The following LRP1B variants were observed in gnomAD, a reference collection of about 807,000 sequenced individuals.
The protein encoded by LRP1B is low-density lipoprotein receptor-related protein 1B.
Under a neutral mutation model 556.6 loss-of-function variants are expected in LRP1B, and 217 were observed. That is an observed-to-expected ratio of 0.39 (90% confidence interval 0.35 to 0.44). LRP1B has a LOEUF of 0.44. Among genes scored for constraint, LRP1B ranks in the 20% least tolerant of loss-of-function variants. The pLI is 1.00. For missense variants in LRP1B, 5,053 were observed against 5,620.8 expected (o/e 0.90, Z 3.23); for synonymous variants, 2,047 against 1,865.8 (o/e 1.10, Z -2.50).
intron 4 of LRP1B, among the ~76,000 whole-genome samples, chr2:141,247,881 G>A (rs1339026282): frequency 5.3e-5 from 8 of 152,094 alleles, no homozygotes; most frequent in Non-Finnish European, 1.0e-4. Flanking sequence ...GTCCTCTACA[G>A]ATATTAAATT....
intron 86 of LRP1B, among the ~76,000 whole-genome samples, chr2:140,249,144 T>C (rs1048718866): frequency 6.6e-6 from 1 of 151,654 alleles, no homozygotes; most frequent in Non-Finnish European, 1.5e-5. Context: ...TATTACACTT[T>C]CGGAAAAGAT....
intron 7 of LRP1B, among the ~76,000 whole-genome samples, chr2:141,115,458 G>GTTTTTTTTTTT (rs70991138): frequency 1.2e-4 from 14 of 120,392 alleles, no homozygotes; most frequent in South Asian, 2.7e-4. Flanking sequence ...TTTTGTTTTT[G>GTTTTTTTTTTT]TTTTTTTTTT....
At chr2:140,468,997 A>G (rs1687660496) in intron 60 of LRP1B, among the ~76,000 whole-genome samples, 1 of 152,228 alleles carries the variant, frequency 6.6e-6, no homozygotes, top group African/African-American at 2.4e-5. Flanking sequence ...TGATTTAGAT[A>G]AGATATAGAG....
chr2:141,954,748 T>C (rs1291186143), intron 1 of LRP1B, among the ~76,000 whole-genome samples: 1 of 152,128 alleles, frequency 6.6e-6, no homozygotes, highest in Non-Finnish European at 1.5e-5. Context: ...AATATACTGA[T>C]ATTCTTTAGC....
At chr2:141,182,984 GA>G (rs1681071195) in intron 7 of LRP1B, among the ~76,000 whole-genome samples, 1 of 151,788 alleles carries the variant, frequency 6.6e-6, no homozygotes, top group South Asian at 2.1e-4. Flanking sequence ...TTTATGGGGA[GA>G]AAAAAGTACA....
Position 141,923,436 on chromosome 2 carries a change from TTA to T in LRP1B, c.83-113037_83-113036del, listed in dbSNP as rs758700606. ...ATATATATATATAGTGACAAAGAGA[TTA>T]TATATATATGTGTGTGTGTGTGTGT... On this transcript the variant is annotated intron_variant, in intron 1 of 90. Transcript: ENST00000389484. Among the ~76,000 whole-genome samples, 20 of 75,432 alleles carry T rather than the reference TTA, an allele frequency of 2.7e-4. 1 individual carries two copies. Among genetic ancestry groups the T allele is most frequent in the South Asian group, 1.2e-3 (2 of 1,648 alleles). 49.5% of individuals were successfully genotyped at this position (75,432 alleles called of 152,430 possible).
chr2:140,579,206 T>C (rs1277193361), intron 43 of LRP1B, among the ~76,000 whole-genome samples: 1 of 152,182 alleles, frequency 6.6e-6, no homozygotes, highest in African/African-American at 2.4e-5. Flanking sequence ...CCTAGCCTCA[T>C]GAGACACAGG....
rs760368418 is a variant in LRP1B, at chr2:141,005,451, T to C, written c.2387A>G (p.Asn796Ser). 3 of 1,609,874 alleles carry C rather than the reference T, an allele frequency of 1.9e-6. No individual in the cohort carries two copies. Among genetic ancestry groups the C allele is most frequent in the South Asian group, 1.1e-5 (1 of 90,726 alleles). The change falls in exon 15 of 91, where the codon AAT becomes AGT. Residue 796 changes from asparagine to serine, a missense_variant. By Grantham distance (46) the Asn-to-Ser change is conservative. Around this residue, in one of 5 missense-constraint regions of LRP1B, gnomAD observed 3,619 missense variants for 3,931.9 expected, o/e 0.92. Coordinates refer to ENST00000389484, the MANE Select transcript of LRP1B (RefSeq NM_018557.3). The part of the protein sequence containing the change: ...IYDPRKQQGD[N>S]MCRVNNGGCS... ...GCCCCCATTATTTACTCGGCACATA[T>C]TGTCACCTGCAAGAGGAAGAAAGCA... is the stretch of plus-strand genomic sequence containing the variant.
intron 2 of LRP1B, among the ~76,000 whole-genome samples, chr2:141,642,920 G>A (rs1276451810): frequency 2.0e-5 from 3 of 152,082 alleles, no homozygotes; most frequent in Non-Finnish European, 4.4e-5. Context: ...AAATCATGCA[G>A]TGAAAGCACT....
At chr2:141,223,695 G>C (rs1474976367) in intron 6 of LRP1B, among the ~76,000 whole-genome samples, 20 of 152,058 alleles carry the variant, frequency 1.3e-4, no homozygotes, top group Non-Finnish European at 8.8e-5. Flanking sequence ...ACACAGACCA[G>C]TGGAACAGAA....
chr2:141,561,544 C>T (rs1686152914), intron 2 of LRP1B, among the ~76,000 whole-genome samples: 1 of 151,854 alleles, frequency 6.6e-6, no homozygotes, highest in Non-Finnish European at 1.5e-5. Context: ...TTACCAATTT[C>T]ACCTCTTTAC....
intron 17 of LRP1B, among the ~76,000 whole-genome samples, chr2:140,988,608 GA>G (rs898846100): frequency 3.9e-5 from 6 of 152,194 alleles, no homozygotes; most frequent in Admixed American, 1.3e-4. Flanking sequence ...GTCTTTCCAA[GA>G]AAAAAGCTGG....
intron 15 of LRP1B, among the ~76,000 whole-genome samples, chr2:140,994,490 A>C (rs371583173): frequency 1.4e-4 from 21 of 151,888 alleles, no homozygotes; most frequent in East Asian, 1.2e-3. Context: ...GATGTAGGTC[A>C]AAGAGCGCAA....
At chr2:140,935,325 A>G (rs990292405) in intron 20 of LRP1B, among the ~76,000 whole-genome samples, 3 of 152,152 alleles carry the variant, frequency 2.0e-5, no homozygotes, top group Admixed American at 2.0e-4. Context: ...AGATATTTTG[A>G]TATCTTTAAA....
chr2:141,879,817 A>G (rs560501367), intron 1 of LRP1B, among the ~76,000 whole-genome samples: 2 of 152,150 alleles, frequency 1.3e-5, no homozygotes, highest in East Asian at 3.9e-4. Context: ...AAAGGAAACA[A>G]CTTAAAATGA....
chr2:140,438,672 T>G (rs1686295759), intron 66 of LRP1B, among the ~76,000 whole-genome samples: 1 of 152,210 alleles, frequency 6.6e-6, no homozygotes, highest in South Asian at 2.1e-4. Context: ...CAAGCCCTAG[T>G]TAGTGTGATT....
At chr2:141,988,576 C>T (rs1702262539) in intron 1 of LRP1B, among the ~76,000 whole-genome samples, 1 of 151,860 alleles carries the variant, frequency 6.6e-6, no homozygotes, top group Non-Finnish European at 1.5e-5. Context: ...TCCCATTTTG[C>T]CAGAGTTTTC....
intron 2 of LRP1B, among the ~76,000 whole-genome samples, chr2:141,750,130 G>C (rs1046784375): frequency 4.6e-5 from 7 of 152,056 alleles, no homozygotes; most frequent in East Asian, 3.9e-4. Context: ...TCTCAGTAGA[G>C]ATATATAGTG....
intron 41 of LRP1B, among the ~76,000 whole-genome samples, chr2:140,673,300 GATTAC>G (rs1226207235): frequency 2.0e-5 from 3 of 151,966 alleles, no homozygotes; most frequent in Admixed American, 1.3e-4. Context: ...AAGTACATTT[GATTAC>G]ATTATATTAT....
Sources: allele counts gnomAD v4.1 joint callset (sites outside exome capture counted in the v4.1 genomes callset), GRCh38; gene constraint gnomAD v4.1.1; regional missense constraint gnomAD v4.1.1; transcripts MANE v1.5; gene names NCBI Gene and HGNC (gene_info 2026-07-23, HGNC 2026-07-21).